Variants in FAM184B observed in about 807,000 individuals in gnomAD.
The protein encoded by FAM184B is family with sequence similarity 184 member B, also known as protein FAM184B.
FAM184B carries 111 observed loss-of-function variants against 135.9 expected under a neutral mutation model. The ratio of observed to expected loss-of-function variants is 0.82; its 90% CI spans 0.70 to 0.96. The LOEUF is 0.96. FAM184B is among the 40% of genes least tolerant of loss of function. The pLI is 0.00. For synonymous variants in FAM184B, 552 were observed against 524.8 expected, an observed-to-expected ratio of 1.05 and a Z score of -0.71; for missense variants, 1,375 against 1,323.9, an observed-to-expected ratio of 1.04 and a Z score of -0.60.
At chr4:17,746,040 T>A (rs1032355953) in intron 1 of FAM184B, among the ~76,000 whole-genome samples, 1 of 152,086 alleles carries the variant, frequency 6.6e-6, no homozygotes, top group Non-Finnish European at 1.5e-5. Context: ...CTCATTGCAA[T>A]CTCTGCCTTC....
At chr4:17,774,509 T>G (rs1211074689) in intron 1 of FAM184B, among the ~76,000 whole-genome samples, 4 of 152,202 alleles carry the variant, frequency 2.6e-5, no homozygotes, top group Non-Finnish European at 5.9e-5. Context: ...GAACAAAAGC[T>G]TCCCAAAGGG....
In FAM184B at chr4:17,701,539, C is replaced by G. The variant is rs79254250; in HGVS notation, c.1377+3461G>C. Among the ~76,000 whole-genome samples, 109 of 152,328 alleles carry G rather than the reference C, an allele frequency of 7.2e-4. 1 individual carries two copies. The highest frequency in any genetic ancestry group is 2.3e-3 in the African/African-American group (94 of 41,580). On this transcript the variant is annotated intron_variant, in intron 5 of 17. Coordinates refer to ENST00000265018, the MANE Select transcript of FAM184B (RefSeq NM_015688.2). ...ATTTGGATGTTTGAGAACCCTCCAT[C>G]TGATGGATCAGAGCCCTCCTCTTAT...
intron 10 of FAM184B, among the ~76,000 whole-genome samples, chr4:17,656,394 T>C (rs1302916097): frequency 2.0e-5 from 3 of 151,618 alleles, no homozygotes; most frequent in Non-Finnish European, 2.9e-5. Context: ...TTATTTCCTT[T>C]CTTCTTTCTT....
chr4:17,646,542 G>T (rs1309454832), intron 12 of FAM184B, among the ~76,000 whole-genome samples: 1 of 151,920 alleles, frequency 6.6e-6, no homozygotes, highest in Non-Finnish European at 1.5e-5. Context: ...AGAACACTTG[G>T]ACACAGGAAG....
chr4:17,751,823 GCACACACACACACACA>G (rs3222789), intron 1 of FAM184B, among the ~76,000 whole-genome samples: 4 of 115,834 alleles, frequency 3.5e-5, no homozygotes, highest in South Asian at 3.2e-4. Context: ...TAAAAACAAG[GCACACACACACACACA>G]CACACACACA....
intron 1 of FAM184B, among the ~76,000 whole-genome samples, chr4:17,748,544 C>T (rs893716015): frequency 3.7e-5 from 5 of 133,416 alleles, no homozygotes; most frequent in African/African-American, 1.5e-4. Context: ...GACAATGTCT[C>T]GCTCTGCCAC....
intron 8 of FAM184B, among the ~76,000 whole-genome samples, chr4:17,661,063 C>T (rs541565572): frequency 5.9e-5 from 9 of 152,136 alleles, no homozygotes; most frequent in Non-Finnish European, 8.8e-5. Context: ...GTGCAAAAGC[C>T]AGACTACCCA....
At chr4:17,695,691 A>T (rs58199577) in intron 5 of FAM184B, among the ~76,000 whole-genome samples, 329 of 152,218 alleles carry the variant, frequency 2.2e-3, no homozygotes, top group African/African-American at 7.6e-3. Context: ...ACACTAGGAG[A>T]GAATGGTGCC....
At chr4:17,749,236 T>A (rs747822690) in intron 1 of FAM184B, among the ~76,000 whole-genome samples, 8 of 152,086 alleles carry the variant, frequency 5.3e-5, no homozygotes, top group Non-Finnish European at 8.8e-5. Context: ...GTCTATGGAC[T>A]CTAGTTCAGG....
intron 1 of FAM184B, among the ~76,000 whole-genome samples, chr4:17,774,737 T>C (rs1393958021): frequency 6.6e-6 from 1 of 152,230 alleles, no homozygotes; most frequent in African/African-American, 2.4e-5. Flanking sequence ...TTTGGTTTGC[T>C]TGTTTTAAAC....
Position 17,688,680 on chromosome 4 carries a change from C to CTTTTT in FAM184B, c.1489-154_1489-150dup, listed in dbSNP as rs34337003. 157 of 117,852 alleles carry CTTTTT rather than the reference C, an allele frequency of 1.3e-3. 4 individuals carry two copies. Among genetic ancestry groups the CTTTTT allele is most frequent in the South Asian group, 5.0e-3 (34 of 6,742 alleles). The allele number at this position is 117,852 out of a possible 1,614,324, so 7.3% of individuals were successfully genotyped here. A position where few individuals can be genotyped will look rare whatever the true frequency, so the allele number is the denominator to read the frequency against. On this transcript the variant is annotated intron_variant, in intron 6 of 17. Coordinates refer to ENST00000265018, the MANE Select transcript of FAM184B (RefSeq NM_015688.2). ...ATTCTACACACACTTCTAGAAATGCCTTTTTTTTTTTTTTTTTTTTTTTTT... is the reference window on the plus strand; with the variant it reads ...ATTCTACACACACTTCTAGAAATGCCTTTTTTTTTTTTTTTTTTTTTTTTTTTTTT...
At chr4:17,743,164 G>A (rs956886042) in intron 1 of FAM184B, among the ~76,000 whole-genome samples, 2 of 152,294 alleles carry the variant, frequency 1.3e-5, no homozygotes, top group African/African-American at 2.4e-5. Flanking sequence ...CTGTCTCATC[G>A]AGACCCTGTC....
rs1225263080 is a variant in FAM184B, at chr4:17,709,552, C to T, written c.234G>A (p.Val78=). Residue 78 remains valine, a synonymous_variant, in exon 2 of 18, where the codon GTG becomes GTA. Coordinates refer to ENST00000265018, the MANE Select transcript of FAM184B (RefSeq NM_015688.2). ...GCAGGAGCCTGGCCTTGGTCTCTGC[C>T]ACCGCATTCTGGAGCTCCTCCTGGT... ...EAHQEELQNA[V]AETKARLLQE... is the part of the protein sequence containing the mutation. 2 of 1,550,798 alleles carry T rather than the reference C, an allele frequency of 1.3e-6. No individual in the cohort carries two copies. Among genetic ancestry groups the T allele is most frequent in the Non-Finnish European group, 1.7e-6 (2 of 1,146,936 alleles).
chr4:17,713,358 T>G (rs1439671554), intron 1 of FAM184B, among the ~76,000 whole-genome samples: 1 of 152,212 alleles, frequency 6.6e-6, no homozygotes, highest in Non-Finnish European at 1.5e-5. Context: ...AGGAAGATCC[T>G]GCAATGAAAT....
intron 1 of FAM184B, among the ~76,000 whole-genome samples, chr4:17,770,021 G>C (rs1415555498): frequency 6.6e-6 from 1 of 152,216 alleles, no homozygotes; most frequent in Non-Finnish European, 1.5e-5. Flanking sequence ...GAGGACAAAG[G>C]CCCGCAGTGG....
chr4:17,740,424 A>G (rs1577284877), intron 1 of FAM184B, among the ~76,000 whole-genome samples: 1 of 152,274 alleles, frequency 6.6e-6, no homozygotes, highest in Admixed American at 6.5e-5. Context: ...TCACACCACA[A>G]CAACAATGTA....
At chr4:17,637,423 G>C (rs564078105) in intron 14 of FAM184B, among the ~76,000 whole-genome samples, 45 of 152,330 alleles carry the variant, frequency 3.0e-4, no homozygotes, top group Admixed American at 5.9e-4. Flanking sequence ...GAGTTGATAA[G>C]AGCCCAGGGC....
At chr4:17,755,682 G>A (rs1323242821) in intron 1 of FAM184B, among the ~76,000 whole-genome samples, 3 of 152,116 alleles carry the variant, frequency 2.0e-5, no homozygotes, top group Admixed American at 1.3e-4. Flanking sequence ...TGATAGATTG[G>A]ATAAAGAAAA....
At chr4:17,632,667 A>G (rs1472387460) in intron 17 of FAM184B, 42 bp from the exon 18 acceptor site, 5 of 1,363,944 alleles carry the variant, frequency 3.7e-6, no homozygotes, top group South Asian at 1.3e-5. Flanking sequence ...TTTGAAAACT[A>G]TGCAAGAAGC....
Sources: gnomAD v4.1 joint callset for allele counts (sites outside exome capture counted in the v4.1 genomes callset) on GRCh38, gnomAD v4.1.1 for gene constraint, MANE v1.5 for transcripts, NCBI Gene and HGNC (gene_info 2026-07-23, HGNC 2026-07-21) for gene names.